Variants in UTRN observed in about 807,000 individuals in gnomAD.
The protein encoded by UTRN is dystrophin-related protein 1.
A neutral mutation model predicts 463.9 loss-of-function variants in UTRN; 283 were observed. The observed-to-expected ratio is 0.61, with a 90% CI of 0.55 to 0.67. The LOEUF (loss-of-function observed/expected upper bound fraction) is 0.67, where lower values mean the gene tolerates loss of function less well. Among genes scored for constraint, UTRN ranks in the 30% least tolerant of loss-of-function variants. The probability of loss-of-function intolerance (pLI) is 0.00; values close to 1 mark genes in which losing one functional copy is unlikely to be tolerated. For synonymous variants in UTRN, 1,442 were observed against 1,431.5 expected (o/e 1.01, Z -0.17); for missense variants, 3,922 against 4,084.3 (o/e 0.96, Z 1.08).
intron 51 of UTRN, among the ~76,000 whole-genome samples, chr6:144,596,583 A>G (rs1016000838): frequency 6.6e-6 from 1 of 152,130 alleles, no homozygotes; most frequent in African/African-American, 2.4e-5. Context: ...TCTAATTTGG[A>G]CTATTGACAT....
At chr6:144,621,748 A>T (rs1303136707) in intron 51 of UTRN, among the ~76,000 whole-genome samples, 1 of 151,904 alleles carries the variant, frequency 6.6e-6, no homozygotes, top group African/African-American at 2.4e-5. Flanking sequence ...TGCATATGAG[A>T]CCCCCAGTAT....
At chr6:144,813,380 G>A (rs1220425471) in intron 65 of UTRN, among the ~76,000 whole-genome samples, 1 of 151,846 alleles carries the variant, frequency 6.6e-6, no homozygotes, top group Non-Finnish European at 1.5e-5. Context: ...GTAGAGACGG[G>A]GTTTCACCTT....
At position 144,426,325 on chromosome 6, in the gene UTRN, G is replaced by C. The variant is rs767437222; in HGVS notation, c.444G>C (p.Gln148His). 1.9e-6 allele frequency: 3 copies of C among 1,614,030 alleles called. No individual in the cohort carries two copies. In the South Asian group the frequency reaches 3.3e-5, roughly 18 times the overall value. The change falls in exon 7 of 75, where the codon CAG becomes CAC. Residue 148 changes from glutamine to histidine, a missense_variant. Gln to His is a conservative substitution (Grantham distance 24, BLOSUM62 0). This residue lies in a region of UTRN where 264 missense variants were observed against 327.9 expected (regional missense o/e 0.81). Coordinates refer to ENST00000367545, the MANE Select transcript of UTRN (RefSeq NM_007124.3). ...TGAAGGATGTCATGTCGGACCTGCA[G>C]CAGACGAACAGTGAGAAGATCCTGC... ...DVMKDVMSDL[Q>H]QTNSEKILLS...
chr6:144,539,905 T>G (rs1278165473), intron 45 of UTRN, among the ~76,000 whole-genome samples: 1 of 151,850 alleles, frequency 6.6e-6, no homozygotes, highest in East Asian at 1.9e-4. Context: ...TTGCCAGGCG[T>G]AGTGGCACAC....
intron 51 of UTRN, among the ~76,000 whole-genome samples, chr6:144,585,636 A>G (rs1306480520): frequency 2.6e-5 from 4 of 152,206 alleles, no homozygotes; most frequent in Non-Finnish European, 5.9e-5. Context: ...CATCTCAAAT[A>G]TTGATAGAGG....
In UTRN at chr6:144,748,289, G is replaced by A; in HGVS notation, c.7983G>A (p.Met2661Ile). Residue 2661 changes from methionine (M) to isoleucine (I), a missense_variant, in exon 55 of 75, where the codon ATG (methionine) becomes ATA (isoleucine). Physicochemically the swap from Met to Ile is conservative, Grantham distance 10. Around this residue, in one of 3 missense-constraint regions of UTRN, gnomAD observed 1,309 missense variants for 1,452.6 expected, o/e 0.90. Coordinates refer to ENST00000367545, the MANE Select transcript of UTRN (RefSeq NM_007124.3). ...GAGCCCAAAAGATTGCCAAAGCCAT[G>A]CGCAAACAGTCTTCTGAAGTCAAAG... is the stretch of plus-strand genomic sequence containing the variant. ...EERAQKIAKA[M>I]RKQSSEVKEK... 6.2e-7 allele frequency: 1 copy of A among 1,612,852 alleles called. No individual in the cohort carries two copies. The highest frequency in any genetic ancestry group is 1.1e-5 in the South Asian group (1 of 91,060).
intron 26 of UTRN, among the ~76,000 whole-genome samples, chr6:144,480,323 A>G (rs913030479): frequency 1.1e-4 from 16 of 152,186 alleles, no homozygotes; most frequent in Non-Finnish European, 1.9e-4. Context: ...GGGTAAATAC[A>G]TATAACATTG....
At chr6:144,388,702 T>C (rs563268884) in intron 2 of UTRN, among the ~76,000 whole-genome samples, 2 of 152,188 alleles carry the variant, frequency 1.3e-5, no homozygotes, top group Non-Finnish European at 2.9e-5. Context: ...TTTGTAGAGA[T>C]GAGGTTTTGC....
Position 144,371,274 on chromosome 6 carries a change from A to G in UTRN, c.80-31849A>G, listed in dbSNP as rs566402312. 1.1e-4 allele frequency among the ~76,000 whole-genome samples: 17 copies of G among 152,322 alleles called. No individual in the cohort carries two copies. In the South Asian group the frequency reaches 3.5e-3, roughly 32 times the overall value. On this transcript the variant is annotated intron_variant, in intron 2 of 74. Coordinates refer to ENST00000367545, the MANE Select transcript of UTRN (RefSeq NM_007124.3). Reference sequence around the variant, plus strand: ...AGGTTTTGTTTTTCCTTAGCTAAATATACTGAATTCCTTTCCATGCCAGTA... The same window carrying G: ...AGGTTTTGTTTTTCCTTAGCTAAATGTACTGAATTCCTTTCCATGCCAGTA...
chr6:144,418,380 ATTTTTTTT>A (rs369278118), intron 3 of UTRN, among the ~76,000 whole-genome samples: 2 of 137,252 alleles, frequency 1.5e-5, no homozygotes, highest in East Asian at 2.1e-4. Flanking sequence ...CGCCCGGCTA[ATTTTTTTT>A]TTTTTTTTGT....
At chr6:144,758,604 C>T (rs915314379) in intron 58 of UTRN, among the ~76,000 whole-genome samples, 2 of 152,088 alleles carry the variant, frequency 1.3e-5, no homozygotes, top group Admixed American at 1.3e-4. Context: ...ACTGTTTCTT[C>T]TTCTTATATG....
At chr6:144,475,695 A>G (rs963097800) in intron 25 of UTRN, among the ~76,000 whole-genome samples, 3 of 152,106 alleles carry the variant, frequency 2.0e-5, no homozygotes, top group African/African-American at 7.2e-5. Context: ...AGCTTACTGC[A>G]GCCTTGAACT....
At chr6:144,426,991 A>C (rs1785350456) in intron 7 of UTRN, among the ~76,000 whole-genome samples, 1 of 152,224 alleles carries the variant, frequency 6.6e-6, no homozygotes, top group Non-Finnish European at 1.5e-5. Flanking sequence ...AATTAAGACT[A>C]TGCAGTACTA....
At chr6:144,344,477 G>A (rs1777404781) in intron 2 of UTRN, among the ~76,000 whole-genome samples, 1 of 152,202 alleles carries the variant, frequency 6.6e-6, no homozygotes, top group African/African-American at 2.4e-5. Flanking sequence ...ACCCTCAAGA[G>A]TAGAGACCAA....
intron 2 of UTRN, among the ~76,000 whole-genome samples, chr6:144,334,243 G>A (rs1468785474): frequency 7.0e-6 from 1 of 143,820 alleles, no homozygotes; most frequent in Admixed American, 7.5e-5. Context: ...GGCTATTCTT[G>A]CATATGAAAT....
Position 144,757,983 on chromosome 6 carries a change from A to G in UTRN, c.8489A>G (p.Tyr2830Cys). ...ATTTCACATAATAAAGTGCCCTATT[A>G]CATCAAGTAAGTTGATTTTAATTCT... ...RSISHNKVPY[Y>C]INHQTQTTCW... The change falls in exon 58 of 75, where the codon TAC becomes TGC. Residue 2830 changes from tyrosine to cysteine, a missense_variant. This residue lies in a region of UTRN where 1,309 missense variants were observed against 1,452.6 expected (regional missense o/e 0.90). Transcript: ENST00000367545. 6.2e-7 allele frequency: 1 copy of G among 1,609,672 alleles called. No homozygotes were observed.
intron 2 of UTRN, among the ~76,000 whole-genome samples, chr6:144,310,325 T>C (rs1806130998): frequency 6.6e-6 from 1 of 150,888 alleles, no homozygotes; most frequent in Non-Finnish European, 1.5e-5. Context: ...TCACCTGAGG[T>C]TGGGAGTTGG....
At position 144,459,304 on chromosome 6, in the gene UTRN, A is replaced by G; in HGVS notation, c.2657A>G (p.Tyr886Cys). The change falls in exon 21 of 75, where the codon TAC (tyrosine) becomes TGC (cysteine). Residue 886 changes from tyrosine to cysteine, a missense_variant. By Grantham distance (194) the Tyr-to-Cys change is radical. This residue lies in a region of UTRN where 2,349 missense variants were observed against 2,303.8 expected (regional missense o/e 1.02). Coordinates refer to ENST00000367545, the MANE Select transcript of UTRN (RefSeq NM_007124.3). ...GGCTTCGATAGCTTTCTGGGCCGCT[A>G]CCAAGCTGTACAAGAGGCTGTAGAG... ...QRGFDSFLGR[Y>C]QAVQEAVEDR... 1 of 1,614,030 alleles carries G rather than the reference A, an allele frequency of 6.2e-7. No individual in the cohort carries two copies. The highest frequency in any genetic ancestry group is 8.5e-7 in the Non-Finnish European group (1 of 1,179,948).
intron 53 of UTRN, among the ~76,000 whole-genome samples, chr6:144,726,367 A>G (rs925312346): frequency 1.3e-5 from 2 of 152,092 alleles, no homozygotes; most frequent in African/African-American, 4.8e-5. Context: ...ATTCTCTGCT[A>G]GTGTTTAGTT....
Sources: gnomAD v4.1 joint callset for allele counts (sites outside exome capture counted in the v4.1 genomes callset) on GRCh38, gnomAD v4.1.1 for gene constraint, gnomAD v4.1.1 regional missense constraint, MANE v1.5 for transcripts, NCBI Gene and HGNC (gene_info 2026-07-23, HGNC 2026-07-21) for gene names.